The following SEM1 variants were observed in gnomAD, a reference collection of about 807,000 sequenced individuals.
The protein encoded by SEM1 is SEM1 26S proteasome subunit.
In SEM1, 3 loss-of-function variants were observed where a neutral mutation model predicts 12.7. The ratio of observed to expected loss-of-function variants is 0.24; its 90% confidence interval spans 0.11 to 0.61. The LOEUF is 0.61. Ranked by LOEUF, SEM1 falls within the 20% of genes least tolerant of loss-of-function variation. The pLI is 0.88. For synonymous variants in SEM1, 30 were observed against 27.8 expected (o/e 1.08, Z -0.25); for missense variants, 59 against 81.3 (o/e 0.73, Z 1.06).
chr7:96,622,619 T>C (rs748433976), exon 3 of SEM1: 1 of 764,920 alleles, frequency 1.3e-6, no homozygotes, highest in South Asian at 1.3e-5. Context: ...CTCCCCGCTA[T>C]TCCTCCAGTT....
At chr7:96,540,017 A>C (rs1804898235) in intron 2 of SEM1, among the ~76,000 whole-genome samples, 1 of 150,666 alleles carries the variant, frequency 6.6e-6, no homozygotes, top group South Asian at 2.1e-4. Flanking sequence ...TATAAAAATA[A>C]GTTATAAAAA....
At chr7:96,692,472 T>C (rs950731300) in intron 2 of SEM1, among the ~76,000 whole-genome samples, 1 of 152,170 alleles carries the variant, frequency 6.6e-6, no homozygotes, top group African/African-American at 2.4e-5. Flanking sequence ...AATAGCATAA[T>C]GATGCCAAGG....
chr7:96,595,806 G>A (rs1446120644), intron 2 of SEM1, among the ~76,000 whole-genome samples: 2 of 152,064 alleles, frequency 1.3e-5, no homozygotes, highest in South Asian at 2.1e-4. Context: ...AACTTGTAAT[G>A]AGCTTCAGAC....
intron 2 of SEM1, among the ~76,000 whole-genome samples, chr7:96,660,480 C>T (rs1788963215): frequency 6.6e-6 from 1 of 152,122 alleles, no homozygotes; most frequent in Non-Finnish European, 1.5e-5. Context: ...ATAAGTACCA[C>T]TCTGAACATA....
intron 2 of SEM1, among the ~76,000 whole-genome samples, chr7:96,588,381 CACACACACACACACACGAGA>C (rs1483973089): frequency 2.2e-5 from 3 of 137,202 alleles, no homozygotes; most frequent in East Asian, 2.1e-4. Context: ...CACACACACA[CACACACACACACACACGAGA>C]GAGAGAGAGA....
chr7:96,538,905 T>C (rs4577892), intron 2 of SEM1, among the ~76,000 whole-genome samples: 38,633 of 151,736 alleles, frequency 0.25, 5,131 homozygotes, highest in African/African-American at 0.3. Flanking sequence ...TACTCCTCTT[T>C]TCTAGTCAGA....
chr7:96,579,201 A>G (rs1413135983), intron 2 of SEM1, among the ~76,000 whole-genome samples: 5 of 152,234 alleles, frequency 3.3e-5, no homozygotes, highest in Non-Finnish European at 4.4e-5. Flanking sequence ...GCCATCATGA[A>G]ATCATTTCTA....
intron 2 of SEM1, among the ~76,000 whole-genome samples, chr7:96,512,751 T>G (rs546779822): frequency 3.9e-5 from 6 of 152,170 alleles, no homozygotes; most frequent in African/African-American, 1.4e-4. Context: ...GTGTCACTAG[T>G]GTAAAAGCAT....
In SEM1 at chr7:96,662,626, T is replaced by C. The variant is rs1407762264; in HGVS notation, c.170+32172A>G. On this transcript the variant is annotated intron_variant, in intron 2 of 2. Coordinates refer to the SEM1 transcript ENST00000417009. ...AGGTGCAGCAAACCACCATGGCACATGTATATCTACATAACAAACCTGCAC... is the reference window on the plus strand; with the variant it reads ...AGGTGCAGCAAACCACCATGGCACACGTATATCTACATAACAAACCTGCAC... Among the ~76,000 whole-genome samples, 8 of 152,172 alleles carry C rather than the reference T, an allele frequency of 5.3e-5. No homozygotes were observed. In the East Asian group the frequency reaches 1.5e-3, roughly 29 times the overall value.
At chr7:96,699,923 C>T (rs886396497) in intron 1 of SEM1, among the ~76,000 whole-genome samples, 7 of 129,424 alleles carry the variant, frequency 5.4e-5, no homozygotes, top group Non-Finnish European at 1.3e-4. Context: ...ATTCTTCTCT[C>T]CCTTAACTAC....
intron 2 of SEM1, among the ~76,000 whole-genome samples, chr7:96,598,831 G>T (rs946891767): frequency 1.3e-5 from 2 of 152,042 alleles, no homozygotes; most frequent in South Asian, 2.1e-4. Context: ...AATAAAATTA[G>T]ATTAAAAAAA....
At chr7:96,702,116 A>T (rs1345840214) in intron 1 of SEM1, among the ~76,000 whole-genome samples, 1 of 152,178 alleles carries the variant, frequency 6.6e-6, no homozygotes, top group Non-Finnish European at 1.5e-5. Flanking sequence ...TAGACAATAC[A>T]TTGAAGATAA....
chr7:96,528,222 C>T (rs948653756), intron 2 of SEM1, among the ~76,000 whole-genome samples: 4 of 152,136 alleles, frequency 2.6e-5, no homozygotes, highest in African/African-American at 9.7e-5. Flanking sequence ...GAGACAGGGT[C>T]TCACTCTGTC....
chr7:96,581,102 G>A (rs1806385861), intron 2 of SEM1, among the ~76,000 whole-genome samples: 5 of 152,138 alleles, frequency 3.3e-5, no homozygotes, highest in Admixed American at 3.3e-4. Context: ...TATGGTTTTA[G>A]GTCTAACGTT....
chr7:96,604,085 C>T (rs1251559897), intron 2 of SEM1, among the ~76,000 whole-genome samples: 1 of 152,112 alleles, frequency 6.6e-6, no homozygotes, highest in Non-Finnish European at 1.5e-5. Context: ...AAAATCAAGA[C>T]ATGAGCAAAG....
chr7:96,557,839 C>T (rs570351345), intron 2 of SEM1, among the ~76,000 whole-genome samples: 1 of 152,312 alleles, frequency 6.6e-6, no homozygotes, highest in South Asian at 2.1e-4. Flanking sequence ...TAGCAATCAG[C>T]CAGGCTCCGT....
At chr7:96,676,222 A>C (rs1789446152) in intron 2 of SEM1, among the ~76,000 whole-genome samples, 1 of 152,208 alleles carries the variant, frequency 6.6e-6, no homozygotes, top group African/African-American at 2.4e-5. Context: ...CAGTTGTGAA[A>C]TAAAGACCTG....
At chr7:96,543,634 T>C (rs760334721) in intron 2 of SEM1, among the ~76,000 whole-genome samples, 1 of 152,052 alleles carries the variant, frequency 6.6e-6, no homozygotes, top group Non-Finnish European at 1.5e-5. Context: ...TAGTAGTTTA[T>C]GTATCATAGC....
intron 2 of SEM1, among the ~76,000 whole-genome samples, chr7:96,561,176 G>A (rs551144056): frequency 6.6e-5 from 10 of 152,184 alleles, no homozygotes; most frequent in East Asian, 5.8e-4. Context: ...AACTTTCATA[G>A]CTATATTTTT....
Sources: allele counts gnomAD v4.1 joint callset (sites outside exome capture counted in the v4.1 genomes callset), GRCh38; gene constraint gnomAD v4.1.1; transcripts MANE v1.5; gene names NCBI Gene and HGNC (gene_info 2026-07-23, HGNC 2026-07-21).